The following MCOLN3 variants were observed in gnomAD, a reference collection of about 807,000 sequenced individuals.
MCOLN3 encodes mucolipin TRP cation channel 3.
Under a neutral mutation model 69.4 loss-of-function variants are expected in MCOLN3, and 62 were observed. The observed-to-expected ratio is 0.89, with a 90% CI of 0.73 to 1.10. The LOEUF is 1.10. Ranked by LOEUF, MCOLN3 falls within the 50% of genes least tolerant of loss-of-function variation. MCOLN3 has a pLI of 0.00. For synonymous variants in MCOLN3, 183 were observed against 217.0 expected (o/e 0.84, Z 1.38); for missense variants, 564 against 656.4 (o/e 0.86, Z 1.54).
intron 2 of MCOLN3, 68 bp from the exon 3 acceptor site, chr1:85,041,245 C>T: frequency 3.0e-6 from 4 of 1,333,168 alleles, no homozygotes; most frequent in Non-Finnish European, 4.1e-6. Context: ...GCAGAAGGTA[C>T]AGGGGCTTGA....
At position 85,033,801 on chromosome 1, in the gene MCOLN3, A is replaced by G. The variant is rs184126164; in HGVS notation, c.550+297T>C. Among the ~76,000 whole-genome samples the G allele has an allele frequency of 3.1e-3, 474 of 152,310 alleles. 2 individuals carry two copies. The highest frequency in any genetic ancestry group is 0.011 in the African/African-American group (457 of 41,562). On this transcript the variant is annotated intron_variant, in intron 4 of 12. Coordinates refer to ENST00000370589, the MANE Select transcript of MCOLN3 (RefSeq NM_018298.11). ...CTAAGAACACAAACAGCCTGAGCCCAATTTCAGCACTGCCTCTTCTAGCTC... is the reference window on the plus strand; with the variant it reads ...CTAAGAACACAAACAGCCTGAGCCCGATTTCAGCACTGCCTCTTCTAGCTC...
intron 3 of MCOLN3, among the ~76,000 whole-genome samples, chr1:85,034,634 C>T (rs1258801602): frequency 6.6e-6 from 1 of 152,202 alleles, no homozygotes; most frequent in African/African-American, 2.4e-5. Context: ...TACTTTAACA[C>T]TGTAGTATAA....
intron 7 of MCOLN3, among the ~76,000 whole-genome samples, chr1:85,027,645 C>T (rs1007700332): frequency 1.3e-5 from 2 of 152,104 alleles, no homozygotes; most frequent in Admixed American, 6.5e-5. Context: ...ACCTACTGCT[C>T]TATATGAGGG....
At chr1:85,042,171 C>A (rs1458401) in intron 2 of MCOLN3, among the ~76,000 whole-genome samples, 144,852 of 152,276 alleles carry the variant, frequency 0.95, 69,089 homozygotes, top group East Asian at 0.99. Context: ...GTGTATTCCT[C>A]ATACACCAAT....
chr1:85,045,461 A>T (rs1653301628), intron 1 of MCOLN3, 99 bp from the exon 2 acceptor site: 1 of 937,648 alleles, frequency 1.1e-6, no homozygotes, highest in African/African-American at 1.7e-5. Context: ...AAGCCCATAC[A>T]GAAGTCCTGG....
chr1:85,036,047 C>T, intron 3 of MCOLN3, among the ~76,000 whole-genome samples: 1 of 152,164 alleles, frequency 6.6e-6, no homozygotes, highest in East Asian at 1.9e-4. Flanking sequence ...TTTCACAGTA[C>T]TTATAACAAA....
intron 2 of MCOLN3, among the ~76,000 whole-genome samples, chr1:85,043,865 G>T (rs11807839): frequency 0.054 from 8,085 of 150,842 alleles, 255 homozygotes; most frequent in African/African-American, 0.087. Context: ...TTGAGACAAG[G>T]TGTCGCTCTG....
At chr1:85,041,578 C>A (rs1208457025) in intron 2 of MCOLN3, among the ~76,000 whole-genome samples, 1 of 152,066 alleles carries the variant, frequency 6.6e-6, no homozygotes, top group African/African-American at 2.4e-5. Flanking sequence ...TACCTAAAAG[C>A]TTACTATACA....
chr1:85,044,991 G>T, intron 2 of MCOLN3, 142 bp downstream of exon 2: 1 of 625,860 alleles, frequency 1.6e-6, no homozygotes, highest in Non-Finnish European at 2.7e-6. Flanking sequence ...AGACAGAAGG[G>T]TCTAAGATTG....
Position 85,018,954 on chromosome 1 carries a change from G to T in MCOLN3, c.*169C>A. On this transcript the variant is annotated 3_prime_UTR_variant, in exon 13 of 13. Transcript: ENST00000370589. Reference sequence around the variant, plus strand: ...AACAATCCCAGCATAAAGTTGCAAAGACATTAAATATTGCTTTTAAAAATA... The same window carrying T: ...AACAATCCCAGCATAAAGTTGCAAATACATTAAATATTGCTTTTAAAAATA... 1.7e-6 allele frequency: 1 copy of T among 572,102 alleles called. No homozygotes were observed. Among genetic ancestry groups the T allele is most frequent in the Non-Finnish European group, 2.9e-6 (1 of 350,252 alleles). The allele number at this position is 572,102 out of a possible 1,614,324, so 35.4% of individuals were successfully genotyped here.
Position 85,021,120 on chromosome 1 carries a change from T to C in MCOLN3, c.1477A>G (p.Ile493Val). ...ATCAGTGCAATGAAAAGACTTAAAA[T>C]CATATATATAAAGAGGCTGATGAAT... ...YSFISLFIYMILSLFIALITD... is the reference protein window; with the variant it reads ...YSFISLFIYMVLSLFIALITD... The change falls in exon 12 of 13, where the codon ATT becomes GTT. Residue 493 changes from isoleucine to valine, a missense_variant. Coordinates refer to ENST00000370589, the MANE Select transcript of MCOLN3 (RefSeq NM_018298.11). 1 of 1,612,162 alleles carries C rather than the reference T, an allele frequency of 6.2e-7. No homozygotes were observed. Among genetic ancestry groups the C allele is most frequent in the Non-Finnish European group, 8.5e-7 (1 of 1,179,400 alleles).
intron 6 of MCOLN3, among the ~76,000 whole-genome samples, chr1:85,032,457 T>C (rs972876810): frequency 1.3e-5 from 2 of 152,166 alleles, no homozygotes; most frequent in Non-Finnish European, 1.5e-5. Context: ...GAAATAGTAG[T>C]GAACAAAACA....
intron 9 of MCOLN3, 184 bp from the exon 10 acceptor site, chr1:85,022,584 G>C: frequency 2.1e-6 from 1 of 485,354 alleles, no homozygotes; most frequent in Non-Finnish European, 3.7e-6. Context: ...ACAGAAATAA[G>C]TTAATAGAAA....
chr1:85,034,476 C>T (rs1254621313), intron 3 of MCOLN3, among the ~76,000 whole-genome samples: 1 of 152,182 alleles, frequency 6.6e-6, no homozygotes, highest in Admixed American at 6.5e-5. Flanking sequence ...AACTTTCTGA[C>T]CTTCTAGTTC....
chr1:85,030,332 A>G (rs1032497329), intron 6 of MCOLN3, among the ~76,000 whole-genome samples: 2 of 152,276 alleles, frequency 1.3e-5, no homozygotes, highest in Admixed American at 1.3e-4. Flanking sequence ...TGAATCCCAA[A>G]GAAAGAAGAA....
At chr1:85,035,987 GAC>G (rs1652781220) in intron 3 of MCOLN3, among the ~76,000 whole-genome samples, 1 of 152,134 alleles carries the variant, frequency 6.6e-6, no homozygotes, top group South Asian at 2.1e-4. Context: ...TTGTCAGAGA[GAC>G]CTTCTCCAAC....
chr1:85,025,943 G>A lies in MCOLN3; in HGVS notation c.1091C>T (p.Ala364Val). The A allele has an allele frequency of 6.3e-7, 1 of 1,595,126 alleles. No homozygotes were observed. The highest frequency in any genetic ancestry group is 8.5e-7 in the Non-Finnish European group (1 of 1,170,298). Reference sequence around the variant, plus strand: ...CATGATTAGGAAAAAAATTACCTTAGCTTGGATTTCCATTTTTAGAATTGA... The same window carrying A: ...CATGATTAGGAAAAAAATTACCTTAACTTGGATTTCCATTTTTAGAATTGA... ...IGSILKMEIQ[A>V]KSLTSYDVCS... Residue 364 changes from alanine (A) to valine (V), a missense_variant, in exon 9 of 13, where the codon GCT becomes GTT. Transcript: ENST00000370589.
intron 2 of MCOLN3, among the ~76,000 whole-genome samples, chr1:85,041,494 G>A (rs1377945548): frequency 2.6e-5 from 4 of 152,102 alleles, no homozygotes; most frequent in African/African-American, 2.4e-5. Context: ...AGCATTTTAC[G>A]TGAAACTCAG....
chr1:85,032,634 C>A, intron 6 of MCOLN3, 62 bp downstream of exon 6: 2 of 1,187,222 alleles, frequency 1.7e-6, no homozygotes, highest in Non-Finnish European at 2.5e-6. Context: ...GGATATGAAA[C>A]ATTACCAGAT....
Sources: gnomAD v4.1 joint callset for allele counts (sites outside exome capture counted in the v4.1 genomes callset) on GRCh38, gnomAD v4.1.1 for gene constraint, MANE v1.5 for transcripts, NCBI Gene and HGNC (gene_info 2026-07-23, HGNC 2026-07-21) for gene names.